MGAT4C: variants seen among roughly 807,000 people sequenced by gnomAD.
MGAT4C encodes MGAT4 family member C, also known as alpha-1,3-mannosyl-glycoprotein 4-beta-N-acetylglucosaminyltransferase C.
Under a neutral mutation model 40.1 loss-of-function variants are expected in MGAT4C, and 19 were observed. The ratio of observed to expected loss-of-function variants is 0.47; its 90% confidence interval spans 0.33 to 0.70. The LOEUF is 0.70. Ranked by LOEUF, MGAT4C falls within the 30% of genes least tolerant of loss-of-function variation. The probability of loss-of-function intolerance (pLI) is 0.02; values close to 1 mark genes in which losing one functional copy is unlikely to be tolerated. For synonymous variants in MGAT4C, 181 were observed against 187.1 expected (o/e 0.97, Z 0.27); for missense variants, 491 against 563.2 (o/e 0.87, Z 1.30).
At chr12:86,685,692 C>T (rs1024161276) in intron 2 of MGAT4C, among the ~76,000 whole-genome samples, 2 of 151,948 alleles carry the variant, frequency 1.3e-5, no homozygotes, top group Non-Finnish European at 2.9e-5. Context: ...TTGTTTGTGC[C>T]CTCTCTTATT....
intron 4 of MGAT4C, among the ~76,000 whole-genome samples, chr12:86,279,161 A>G (rs1290883234): frequency 1.3e-5 from 2 of 152,130 alleles, no homozygotes; most frequent in Admixed American, 6.5e-5. Context: ...TTAGGATAAT[A>G]CTGGCCTTGT....
At chr12:86,696,801 T>A (rs978647576) in intron 2 of MGAT4C, among the ~76,000 whole-genome samples, 3 of 152,188 alleles carry the variant, frequency 2.0e-5, no homozygotes, top group Non-Finnish European at 2.9e-5. Flanking sequence ...AGTTTTTTTT[T>A]AATATGAGCC....
At chr12:86,508,141 C>T (rs1453580298) in intron 2 of MGAT4C, among the ~76,000 whole-genome samples, 2 of 152,034 alleles carry the variant, frequency 1.3e-5, no homozygotes, top group Non-Finnish European at 2.9e-5. Context: ...ATGTGCCATG[C>T]TGGTGCGCTG....
At chr12:85,983,859 C>T in intron 3 of MGAT4C, among the ~76,000 whole-genome samples, 189 bp from the exon 4 acceptor site, 1 of 152,086 alleles carries the variant, frequency 6.6e-6, no homozygotes, top group East Asian at 1.9e-4. Flanking sequence ...GGAGGTTCTG[C>T]TCCAGTAGCT....
upstream of MGAT4C, among the ~76,000 whole-genome samples, chr12:86,260,337 C>G (rs1253933760): frequency 1.3e-5 from 2 of 152,090 alleles, no homozygotes; most frequent in Non-Finnish European, 1.5e-5. Context: ...TGTCTTAATT[C>G]TAAACTCGTT....
At chr12:86,228,542 G>A (rs1412177516) in intron 1 of MGAT4C, among the ~76,000 whole-genome samples, 2 of 151,750 alleles carry the variant, frequency 1.3e-5, no homozygotes, top group East Asian at 3.9e-4. Flanking sequence ...CCTCTTTTGG[G>A]GAGAAGCAGG....
At chr12:86,072,026 T>TTG (rs71076158) in intron 1 of MGAT4C, among the ~76,000 whole-genome samples, 11,199 of 148,958 alleles carry the variant, frequency 0.075, 524 homozygotes, top group Non-Finnish European at 0.11. Context: ...GCATAGGGTT[T>TTG]TGTGTGTGTG....
At chr12:86,238,796 A>T (rs556991719) in intron 1 of MGAT4C, among the ~76,000 whole-genome samples, 2 of 152,178 alleles carry the variant, frequency 1.3e-5, no homozygotes, top group East Asian at 3.9e-4. Context: ...GAGACAATGA[A>T]TGTGAAAGCC....
At chr12:86,409,496 T>G (rs1307066135) in intron 3 of MGAT4C, among the ~76,000 whole-genome samples, 1 of 152,076 alleles carries the variant, frequency 6.6e-6, no homozygotes, top group Non-Finnish European at 1.5e-5. Flanking sequence ...TAACAAAAAC[T>G]ATTACAAAGG....
intron 2 of MGAT4C, among the ~76,000 whole-genome samples, chr12:86,502,109 C>T (rs1446365213): frequency 1.3e-5 from 2 of 151,976 alleles, no homozygotes; most frequent in African/African-American, 2.4e-5. Flanking sequence ...AATGAATGAA[C>T]AGTCTGTGTA....
chr12:86,569,977 AT>A (rs1960296776), intron 2 of MGAT4C, among the ~76,000 whole-genome samples: 1 of 152,104 alleles, frequency 6.6e-6, no homozygotes, highest in South Asian at 2.1e-4. Flanking sequence ...TATCTCACTT[AT>A]ATATAGAATC....
In MGAT4C at chr12:86,167,973, A is replaced by G. The variant is rs73380896; in HGVS notation, c.-57+88266T>C. Among the ~76,000 whole-genome samples the G allele has an allele frequency of 3.3e-3, 502 of 152,326 alleles. 2 individuals are homozygous for G. The highest frequency in any genetic ancestry group is 0.012 in the African/African-American group (490 of 41,584). ...GCTGTCTTCTGCCAGTGAGCACACA[A>G]CCTAGCTCAAGTATGTTAAGTGTTA... is the stretch of plus-strand genomic sequence containing the variant. On this transcript the variant is annotated intron_variant, in intron 1 of 4. Coordinates refer to ENST00000611864, the MANE Select transcript of MGAT4C (RefSeq NM_001351288.2).
chr12:86,699,811 C>T (rs1950323094), intron 2 of MGAT4C, among the ~76,000 whole-genome samples: 1 of 151,680 alleles, frequency 6.6e-6, no homozygotes, highest in East Asian at 1.9e-4. Context: ...AGTGGATCAC[C>T]ATAAAGGTAT....
In MGAT4C at chr12:86,467,823, T is replaced by C. The variant is rs143295627; in HGVS notation, c.-228-32558A>G. Among the ~76,000 whole-genome samples the C allele has an allele frequency of 1.8e-3, 267 of 152,246 alleles. 1 individual carries two copies. The highest frequency in any genetic ancestry group is 6.1e-3 in the African/African-American group (255 of 41,572). The stretch of plus-strand genomic sequence containing the variant: ...TTGAGATAAAGGGTAATGGTTTCTG[T>C]TGATTCCAAGAAATCTAAATCTACC... On this transcript the variant is annotated intron_variant, in intron 2 of 7. Coordinates refer to the MGAT4C transcript ENST00000548651.
chr12:86,360,672 A>G (rs1278614865), intron 3 of MGAT4C, among the ~76,000 whole-genome samples: 1 of 152,204 alleles, frequency 6.6e-6, no homozygotes, highest in Admixed American at 6.5e-5. Flanking sequence ...AAAAATCACA[A>G]ACATTCCTAT....
chr12:86,116,194 A>C (rs1288888948), intron 1 of MGAT4C, among the ~76,000 whole-genome samples: 1 of 151,938 alleles, frequency 6.6e-6, no homozygotes, highest in African/African-American at 2.4e-5. Flanking sequence ...TAGAGGAAAG[A>C]GCCAGCATTT....
At chr12:86,223,857 G>T (rs1950974544) in intron 1 of MGAT4C, among the ~76,000 whole-genome samples, 1 of 152,114 alleles carries the variant, frequency 6.6e-6, no homozygotes, top group African/African-American at 2.4e-5. Flanking sequence ...GTGAAATGGG[G>T]CCTTGGCCTA....
At chr12:86,053,179 T>A (rs1455091438) in intron 1 of MGAT4C, among the ~76,000 whole-genome samples, 1 of 151,584 alleles carries the variant, frequency 6.6e-6, no homozygotes, top group Non-Finnish European at 1.5e-5. Context: ...TTTTTTTTTT[T>A]AACATAAATA....
chr12:86,101,101 T>A (rs1874954962), intron 1 of MGAT4C, among the ~76,000 whole-genome samples: 1 of 151,768 alleles, frequency 6.6e-6, no homozygotes, highest in South Asian at 2.1e-4. Context: ...AAGGAGACAC[T>A]ATTTTTTTCA....
Sources: gnomAD v4.1 joint callset for allele counts (sites outside exome capture counted in the v4.1 genomes callset) on GRCh38, gnomAD v4.1.1 for gene constraint, MANE v1.5 for transcripts, NCBI Gene and HGNC (gene_info 2026-07-23, HGNC 2026-07-21) for gene names.